Variants in PGBD5 observed in about 807,000 individuals in gnomAD.
PGBD5 encodes the protein piggyBac transposable element derived 5.
A neutral mutation model predicts 47.9 loss-of-function variants in PGBD5; 14 were observed. The ratio of observed to expected loss-of-function variants is 0.29; its 90% CI spans 0.19 to 0.46. The LOEUF (loss-of-function observed/expected upper bound fraction) is 0.46, where lower values mean the gene tolerates loss of function less well. PGBD5 is among the 20% of genes least tolerant of loss of function. PGBD5 has a pLI of 1.00. For missense variants in PGBD5, 635 were observed against 716.0 expected (o/e 0.89, Z 1.29); for synonymous variants, 316 against 306.3 (o/e 1.03, Z -0.33).
At chr1:230,369,160 A>G (rs1243502172) in intron 1 of PGBD5, among the ~76,000 whole-genome samples, 1 of 152,252 alleles carries the variant, frequency 6.6e-6, no homozygotes, top group African/African-American at 2.4e-5. Flanking sequence ...ATGAAAATGT[A>G]TGTGTCACAT....
intron 1 of PGBD5, among the ~76,000 whole-genome samples, chr1:230,361,017 G>A (rs567086148): frequency 6.6e-6 from 1 of 152,268 alleles, no homozygotes; most frequent in African/African-American, 2.4e-5. Context: ...TCACAGCTGG[G>A]GAGGCCTTCC....
intron 3 of PGBD5, among the ~76,000 whole-genome samples, chr1:230,349,025 A>G (rs1045521615): frequency 1.3e-5 from 2 of 152,240 alleles, no homozygotes; most frequent in African/African-American, 4.8e-5. Flanking sequence ...TTTAGAAATG[A>G]AAGGAAACTT....
At chr1:230,325,237 T>G in intron 6 of PGBD5, 73 bp downstream of exon 6, 1 of 1,099,250 alleles carries the variant, frequency 9.1e-7, no homozygotes, top group Non-Finnish European at 1.4e-6. Context: ...CTAGTGATCA[T>G]CTGCCATTAC....
intron 3 of PGBD5, among the ~76,000 whole-genome samples, chr1:230,346,533 T>C (rs367939882): frequency 6.6e-6 from 1 of 152,166 alleles, no homozygotes; most frequent in Admixed American, 6.5e-5. Context: ...GCCTCATCTA[T>C]ACCCAGCATT....
chr1:230,356,823 G>T (rs894846042), intron 2 of PGBD5, 71 bp downstream of exon 2: 1 of 1,527,596 alleles, frequency 6.5e-7, no homozygotes, highest in African/African-American at 1.4e-5. Context: ...CCAAAGCCCT[G>T]CCAACAGACA....
chr1:230,399,106 C>T (rs1303106075), intron 1 of PGBD5, among the ~76,000 whole-genome samples: 3 of 152,024 alleles, frequency 2.0e-5, no homozygotes, highest in East Asian at 3.9e-4. Flanking sequence ...AGCAAGAACA[C>T]ACCGAGACAG....
At chr1:230,343,519 G>T (rs1194120055) in intron 3 of PGBD5, among the ~76,000 whole-genome samples, 2 of 152,202 alleles carry the variant, frequency 1.3e-5, no homozygotes, top group Non-Finnish European at 2.9e-5. Flanking sequence ...ACTTGCTCAA[G>T]GACACAAAGA....
intron 1 of PGBD5, among the ~76,000 whole-genome samples, chr1:230,407,339 G>A (rs1657320335): frequency 6.6e-6 from 1 of 152,166 alleles, no homozygotes; most frequent in Non-Finnish European, 1.5e-5. Flanking sequence ...ATTTTCAGTA[G>A]TTAGAAGATG....
chr1:230,366,908 T>C (rs1400836810), intron 1 of PGBD5, among the ~76,000 whole-genome samples: 2 of 152,148 alleles, frequency 1.3e-5, no homozygotes, highest in Non-Finnish European at 2.9e-5. Context: ...ATTTAGGCAC[T>C]GTGTCTACTT....
chr1:230,395,413 A>T (rs892997456), intron 1 of PGBD5, among the ~76,000 whole-genome samples: 1 of 2,212 alleles, frequency 4.5e-4, no homozygotes, highest in East Asian at 0.01. Flanking sequence ...TCTCACTCCC[A>T]CCCTCCTCCC....
intron 1 of PGBD5, among the ~76,000 whole-genome samples, chr1:230,413,674 C>CA (rs932718032): frequency 2.6e-5 from 4 of 152,150 alleles, no homozygotes; most frequent in African/African-American, 9.7e-5. Flanking sequence ...CTGCATCTAT[C>CA]ATGTTTTCTG....
chr1:230,335,649 GCA>G (rs1667300201), intron 4 of PGBD5, among the ~76,000 whole-genome samples: 1 of 1,240 alleles, frequency 8.1e-4, no homozygotes, highest in African/African-American at 1.3e-3. Context: ...AAACACAGAC[GCA>G]CAAACAGACA....
At chr1:230,331,277 G>T (rs149282566) in intron 5 of PGBD5, among the ~76,000 whole-genome samples, 2 of 151,980 alleles carry the variant, frequency 1.3e-5, no homozygotes, top group African/African-American at 4.8e-5. Context: ...TTAGCCGGGC[G>T]CAGCGGTATG....
chr1:230,320,914 G>A lies in PGBD5; in HGVS notation c.*2511C>T, dbSNP rs1316010737. 6.6e-6 allele frequency: 1 copy of A among 152,186 alleles called. No individual in the cohort carries two copies. Among genetic ancestry groups the A allele is most frequent in the Non-Finnish European group, 1.5e-5 (1 of 68,060 alleles). 9.4% of individuals were successfully genotyped at this position (152,186 alleles called of 1,614,324 possible). A position where few individuals can be genotyped will look rare whatever the true frequency, so the allele number is the denominator to read the frequency against. On this transcript the variant is annotated 3_prime_UTR_variant, in exon 7 of 7. Transcript: ENST00000391860. ...GAAGTGGCCACTGAAGCCTCCCCTA[G>A]ACCCGGCTCAACAGCTGCCTTTTCC...
chr1:230,371,997 C>T (rs1157261310), intron 1 of PGBD5, among the ~76,000 whole-genome samples: 3 of 152,070 alleles, frequency 2.0e-5, no homozygotes, highest in Non-Finnish European at 4.4e-5. Flanking sequence ...AAAAGGTTCC[C>T]GTGGACAGGA....
At chr1:230,351,115 G>T in intron 2 of PGBD5, 23 bp from the exon 3 acceptor site, 1 of 1,604,030 alleles carries the variant, frequency 6.2e-7, no homozygotes. Context: ...AAAAAGCAGA[G>T]GCTCTCACGG....
At chr1:230,378,101 A>T (rs977265781) in intron 1 of PGBD5, among the ~76,000 whole-genome samples, 2 of 152,264 alleles carry the variant, frequency 1.3e-5, no homozygotes, top group African/African-American at 4.8e-5. Flanking sequence ...TTACTTCTGG[A>T]ATCAAGAGCA....
intron 3 of PGBD5, among the ~76,000 whole-genome samples, chr1:230,349,389 G>C (rs1459750399): frequency 6.6e-6 from 1 of 152,024 alleles, no homozygotes; most frequent in Non-Finnish European, 1.5e-5. Context: ...AAATAAATTA[G>C]CCAGGAATGG....
chr1:230,342,274 A>G (rs1275682775), intron 3 of PGBD5, among the ~76,000 whole-genome samples: 1 of 152,242 alleles, frequency 6.6e-6, no homozygotes, highest in Non-Finnish European at 1.5e-5. Flanking sequence ...AGCCCAGTTC[A>G]GCTATACTGG....
Sources: gnomAD v4.1 joint callset for allele counts (sites outside exome capture counted in the v4.1 genomes callset) on GRCh38, gnomAD v4.1.1 for gene constraint, MANE v1.5 for transcripts, NCBI Gene and HGNC (gene_info 2026-07-23, HGNC 2026-07-21) for gene names.